Variants in MAP7 observed in about 807,000 individuals in gnomAD.
The protein encoded by MAP7 is ensconsin.
In MAP7, 52 loss-of-function variants were observed where a neutral mutation model predicts 94.8. The observed-to-expected ratio is 0.55, with a 90% CI of 0.44 to 0.69. The LOEUF is 0.69. Among genes scored for constraint, MAP7 ranks in the 30% least tolerant of loss-of-function variants. The pLI, the probability that MAP7 is intolerant of heterozygous loss-of-function variation, is 0.00. For synonymous variants in MAP7, 350 were observed against 357.0 expected (o/e 0.98, Z 0.22); for missense variants, 940 against 964.6 (o/e 0.97, Z 0.34).
intron 1 of MAP7, among the ~76,000 whole-genome samples, chr6:136,538,435 C>T (rs909794465): frequency 1.3e-5 from 2 of 152,118 alleles, no homozygotes; most frequent in Non-Finnish European, 2.9e-5. Flanking sequence ...AGGTCCATCT[C>T]TCTATGGCTT....
chr6:136,495,137 T>C (rs1186534694), intron 1 of MAP7, among the ~76,000 whole-genome samples: 1 of 152,168 alleles, frequency 6.6e-6, no homozygotes, highest in Non-Finnish European at 1.5e-5. Flanking sequence ...CAGCACCTTC[T>C]ATCTCCGTTG....
intron 12 of MAP7, 75 bp downstream of exon 12, chr6:136,360,930 C>A: frequency 6.5e-7 from 1 of 1,546,936 alleles, no homozygotes; most frequent in South Asian, 1.2e-5. Context: ...GCAGTCCAGT[C>A]CGCACCCTCC....
At chr6:136,414,434 A>G (rs1309829638) in intron 2 of MAP7, among the ~76,000 whole-genome samples, 2 of 151,936 alleles carry the variant, frequency 1.3e-5, no homozygotes, top group African/African-American at 4.8e-5. Flanking sequence ...GGAAGTGGAC[A>G]TGACGACCCT....
chr6:136,413,976 G>A (rs935531504), intron 2 of MAP7, among the ~76,000 whole-genome samples: 7 of 152,024 alleles, frequency 4.6e-5, no homozygotes, highest in Non-Finnish European at 1.0e-4. Flanking sequence ...TGGGCCGGGC[G>A]CGGTGGCTCA....
intron 7 of MAP7, among the ~76,000 whole-genome samples, chr6:136,375,925 G>C (rs1258413885): frequency 6.6e-6 from 1 of 152,006 alleles, no homozygotes; most frequent in African/African-American, 2.4e-5. Context: ...TGAGGAAACA[G>C]TATTGGAAAA....
At chr6:136,478,142 CTA>C (rs1811522961) in intron 1 of MAP7, among the ~76,000 whole-genome samples, 1 of 151,956 alleles carries the variant, frequency 6.6e-6, no homozygotes, top group African/African-American at 2.4e-5. Context: ...ACAGTGAAAA[CTA>C]TAAAAGGAAA....
intron 1 of MAP7, among the ~76,000 whole-genome samples, chr6:136,424,723 T>G (rs1313900927): frequency 6.6e-6 from 1 of 152,212 alleles, no homozygotes; most frequent in African/African-American, 2.4e-5. Flanking sequence ...CAATACAGTC[T>G]TCTCTCAACT....
At chr6:136,394,040 G>A (rs1164677876) in intron 3 of MAP7, among the ~76,000 whole-genome samples, 1 of 147,356 alleles carries the variant, frequency 6.8e-6, no homozygotes, top group East Asian at 2.0e-4. Flanking sequence ...CTAGAGTCCG[G>A]TAGTGCAATC....
At chr6:136,522,142 G>T (rs761541861) in intron 1 of MAP7, among the ~76,000 whole-genome samples, 1 of 152,086 alleles carries the variant, frequency 6.6e-6, no homozygotes, top group Non-Finnish European at 1.5e-5. Flanking sequence ...CCTATCCAAG[G>T]GCATTTAGTT....
intron 1 of MAP7, among the ~76,000 whole-genome samples, chr6:136,452,193 CAAACAAAACAAAACAAAACAAAACA>C (rs71006801): frequency 3.4e-5 from 5 of 145,600 alleles, no homozygotes; most frequent in Non-Finnish European, 6.0e-5. Context: ...GACTCCGTCT[CAAACAAAACAAAACAAAACAAAACA>C]AAACAAAACA....
At chr6:136,431,187 C>T (rs938996047) in intron 1 of MAP7, among the ~76,000 whole-genome samples, 3 of 152,214 alleles carry the variant, frequency 2.0e-5, no homozygotes, top group African/African-American at 7.2e-5. Flanking sequence ...CTACCACCAT[C>T]ACATTTCTTT....
At chr6:136,377,085 G>A (rs1181796155) in intron 7 of MAP7, among the ~76,000 whole-genome samples, 3 of 151,710 alleles carry the variant, frequency 2.0e-5, no homozygotes, top group Non-Finnish European at 4.4e-5. Flanking sequence ...CCGACTAGAT[G>A]TAGGCTCCAC....
At chr6:136,538,750 C>G (rs1248928944) in intron 1 of MAP7, among the ~76,000 whole-genome samples, 4 of 141,290 alleles carry the variant, frequency 2.8e-5, no homozygotes, top group Non-Finnish European at 4.5e-5. Flanking sequence ...ATGATGGTGC[C>G]ACTTAACTCT....
chr6:136,480,660 A>G (rs1402154325), intron 1 of MAP7, among the ~76,000 whole-genome samples: 9 of 150,542 alleles, frequency 6.0e-5, no homozygotes, highest in Admixed American at 2.6e-4. Flanking sequence ...AAAAAAAAAA[A>G]AAAAAAAAAG....
chr6:136,484,728 C>G (rs927714917), intron 1 of MAP7, among the ~76,000 whole-genome samples: 1 of 152,186 alleles, frequency 6.6e-6, no homozygotes, highest in Non-Finnish European at 1.5e-5. Flanking sequence ...AGACAAGGTC[C>G]TCACTCTGCC....
intron 1 of MAP7, among the ~76,000 whole-genome samples, chr6:136,508,892 T>A (rs142027878): frequency 2.6e-5 from 4 of 152,224 alleles, no homozygotes; most frequent in African/African-American, 4.8e-5. Flanking sequence ...CAAATGATTA[T>A]GACAGTAAGT....
At chr6:136,539,446 A>G (rs1276714348) in intron 1 of MAP7, among the ~76,000 whole-genome samples, 2 of 152,228 alleles carry the variant, frequency 1.3e-5, no homozygotes, top group African/African-American at 4.8e-5. Flanking sequence ...ACACATGCTC[A>G]GTTTCCATAT....
chr6:136,365,857 TC>T lies in MAP7; in HGVS notation c.1150del (p.Asp384IlefsTer15). 6.2e-7 allele frequency: 1 copy of T among 1,614,168 alleles called. No individual in the cohort carries two copies. Among genetic ancestry groups the T allele is most frequent in the Non-Finnish European group, 8.5e-7 (1 of 1,180,038 alleles). On this transcript the variant is annotated frameshift_variant, in exon 10 of 18. Transcript: ENST00000354570. LOFTEE classifies it high-confidence loss of function. ...REVKVEPEKK[D>X]PEKEPQKVAN... ...AACTTTCTGAGGTTCCTTCTCAGGA[TC>T]TTTCTTCTCAGGCTCCACTTTGACT...
intron 16 of MAP7, among the ~76,000 whole-genome samples, chr6:136,350,261 T>C (rs1788791759): frequency 6.6e-6 from 1 of 152,198 alleles, no homozygotes; most frequent in African/African-American, 2.4e-5. Context: ...TGGAGGGATC[T>C]ATAACTCTAC....
Sources: gnomAD v4.1 joint callset for allele counts (sites outside exome capture counted in the v4.1 genomes callset) on GRCh38, gnomAD v4.1.1 for gene constraint, MANE v1.5 for transcripts, NCBI Gene and HGNC (gene_info 2026-07-23, HGNC 2026-07-21) for gene names.